Variants in LRP5 observed in about 807,000 individuals in gnomAD.
LRP5 encodes the protein low-density lipoprotein receptor-related protein 5.
A neutral mutation model predicts 154.1 loss-of-function variants in LRP5; 62 were observed. The observed-to-expected ratio is 0.40, with a 90% CI of 0.33 to 0.50. The LOEUF (loss-of-function observed/expected upper bound fraction) is 0.50. LRP5 is among the 20% of genes least tolerant of loss of function. The pLI is 0.55. For synonymous variants in LRP5, 966 were observed against 1,011.5 expected (o/e 0.96, Z 0.85); for missense variants, 1,915 against 2,336.7 (o/e 0.82, Z 3.72).
chr11:68,417,205 G>A (rs1416236347), intron 13 of LRP5, among the ~76,000 whole-genome samples: 2 of 152,138 alleles, frequency 1.3e-5, no homozygotes, highest in Non-Finnish European at 2.9e-5. Flanking sequence ...AAGGAGGATT[G>A]TGGGAAATCA....
chr11:68,315,904 A>G (rs2098593027), intron 1 of LRP5, among the ~76,000 whole-genome samples: 1 of 152,158 alleles, frequency 6.6e-6, no homozygotes, highest in Non-Finnish European at 1.5e-5. Flanking sequence ...CTAAAGCCAG[A>G]TCTTTCCTAG....
chr11:68,445,065 G>A (rs1357946445), intron 21 of LRP5, among the ~76,000 whole-genome samples: 1 of 152,098 alleles, frequency 6.6e-6, no homozygotes, highest in Non-Finnish European at 1.5e-5. Context: ...GCCTTCTCGA[G>A]CCCATTTTAT....
Position 68,436,951 on chromosome 11 carries a change from T to C in LRP5, c.4063T>C (p.Cys1355Arg). 1 of 1,613,910 alleles carries C rather than the reference T, an allele frequency of 6.2e-7. No individual in the cohort carries two copies. The highest frequency in any genetic ancestry group is 8.5e-7 in the Non-Finnish European group (1 of 1,179,960). The stretch of plus-strand genomic sequence containing the variant: ...CCAGTGTGTCCTCATCAAACAGCAG[T>C]GCGACTCCTTCCCCGACTGTATCGA... ...SGQCVLIKQQ[C>R]DSFPDCIDGS... Residue 1355 changes from cysteine (C) to arginine (R), a missense_variant, in exon 19 of 23, where the codon TGC (cysteine) becomes CGC (arginine). Transcript: ENST00000294304.
chr11:68,433,816 C>T lies in LRP5; in HGVS notation c.3978C>T (p.Arg1326=). ...ACGGCGAGGCAGACTGTCAGGACCG[C>T]TCAGACGAGGCGGACTGTGACGGTG... ...RCDGEADCQD[R]SDEADCDAIC... The change falls in exon 18 of 23, where the codon CGC becomes CGT. Residue 1326 remains arginine, a synonymous_variant. Transcript: ENST00000294304. The T allele has an allele frequency of 4.3e-6, 7 of 1,612,578 alleles. No homozygotes were observed. The highest frequency in any genetic ancestry group is 5.9e-6 in the Non-Finnish European group (7 of 1,179,744).
chr11:68,373,195 A>G (rs2098635321), intron 5 of LRP5, among the ~76,000 whole-genome samples: 2 of 152,142 alleles, frequency 1.3e-5, no homozygotes, highest in Non-Finnish European at 2.9e-5. Flanking sequence ...GTTACAGGCG[A>G]AGACATTTCT....
Position 68,433,605 on chromosome 11 carries a change from C to T in LRP5, c.3767C>T (p.Pro1256Leu), listed in dbSNP as rs772149876. The change falls in exon 18 of 23, where the codon CCG becomes CTG. Residue 1256 changes from proline (P) to leucine (L), a missense_variant. Pro to Leu is a moderately conservative substitution (Grantham distance 98). Coordinates refer to ENST00000294304, the MANE Select transcript of LRP5 (RefSeq NM_002335.4). ...TTCTCCTCTGTCCCTCCCCCAGAGC[C>T]GCCCACCTGCTCCCCGGACCAGTTT... ...LLQNLLTCGE[P>L]PTCSPDQFAC... 6.8e-6 allele frequency: 11 copies of T among 1,612,946 alleles called. No homozygotes were observed. Among genetic ancestry groups the T allele is most frequent in the East Asian group, 4.5e-5 (2 of 44,894 alleles).
chr11:68,425,236 G>A lies in LRP5; in HGVS notation c.3371G>A (p.Gly1124Asp). Reference protein sequence around the residue: ...PVALVVDNTLGKLFWVDADLK... With the variant: ...PVALVVDNTLDKLFWVDADLK... ...GCCCTGGTGGTGGACAACACACTGGGCAAGCTGTTCTGGGTGGACGCGGAC... is the reference window on the plus strand; with the variant it reads ...GCCCTGGTGGTGGACAACACACTGGACAAGCTGTTCTGGGTGGACGCGGAC... Residue 1124 changes from glycine (G) to aspartate (D), a missense_variant, in exon 15 of 23, where the codon GGC (glycine) becomes GAC (aspartate). By Grantham distance (94) the Gly-to-Asp change is moderately conservative (BLOSUM62 -1). Coordinates refer to ENST00000294304, the MANE Select transcript of LRP5 (RefSeq NM_002335.4). 1 of 1,612,458 alleles carries A rather than the reference G, an allele frequency of 6.2e-7. No individual in the cohort carries two copies. The highest frequency in any genetic ancestry group is 8.5e-7 in the Non-Finnish European group (1 of 1,180,002).
intron 5 of LRP5, among the ~76,000 whole-genome samples, chr11:68,379,948 ATGGTGAAACCCCGTC>A (rs1203504019): frequency 6.6e-6 from 1 of 152,224 alleles, no homozygotes; most frequent in Admixed American, 6.5e-5. Flanking sequence ...CCTGGCCAAC[ATGGTGAAACCCCGTC>A]TCTACTAAAA....
At chr11:68,374,644 C>T (rs1591245731) in intron 5 of LRP5, among the ~76,000 whole-genome samples, 1 of 152,202 alleles carries the variant, frequency 6.6e-6, no homozygotes, top group Non-Finnish European at 1.5e-5. Flanking sequence ...AACATTTCTA[C>T]CACTGGGAAA....
rs2098661060 is a variant in LRP5 at position 68,413,945 on chromosome 11, C to T, written c.2760C>T (p.Ile920=). 1.1e-5 allele frequency: 17 copies of T among 1,609,620 alleles called. No homozygotes were observed. Among genetic ancestry groups the T allele is most frequent in the Admixed American group, 1.7e-5 (1 of 59,992 alleles). ...AGTGTGGGCAGCTGTGCCTTGCCAT[C>T]CCCGGCGGCCACCGCTGCGGCTGCG... ...NGQCGQLCLA[I]PGGHRCGCAS... Residue 920 remains isoleucine (I), a synonymous_variant, in exon 12 of 23, where the codon ATC becomes ATT. Coordinates refer to ENST00000294304, the MANE Select transcript of LRP5 (RefSeq NM_002335.4). This position sits in a 1 kb window ranked among gnomAD's most constrained non-coding sequence, Gnocchi z 5.1.
chr11:68,334,532 A>G (rs606989), intron 1 of LRP5, among the ~76,000 whole-genome samples: 134,127 of 152,278 alleles, frequency 0.88, 59,558 homozygotes, highest in South Asian at 0.96. Context: ...GTACTGCCAC[A>G]CACACATGCA....
chr11:68,384,600 G>T (rs2098641980), intron 5 of LRP5, among the ~76,000 whole-genome samples: 1 of 152,214 alleles, frequency 6.6e-6, no homozygotes, highest in Non-Finnish European at 1.5e-5. Context: ...CACCCTGGGG[G>T]CCCCAAGTCT....
chr11:68,402,254 G>A (rs530566631), intron 7 of LRP5, among the ~76,000 whole-genome samples: 2 of 152,304 alleles, frequency 1.3e-5, no homozygotes, highest in African/African-American at 2.4e-5. Context: ...ATACAGTTCT[G>A]CAGGCTCATG....
chr11:68,354,640 A>G (rs1360942555), intron 2 of LRP5, among the ~76,000 whole-genome samples: 2 of 152,354 alleles, frequency 1.3e-5, no homozygotes, highest in East Asian at 3.9e-4. Context: ...GCTGCCAGGA[A>G]AAGTTCACCC....
Position 68,337,469 on chromosome 11 carries a change from T to A in LRP5, c.92-10378T>A, listed in dbSNP as rs1479695531. Reference sequence around the variant, plus strand: ...TTGAGTGCGTAATTGCCTCTGGGGATCAGGCCTGGGCATGCTCAACATTCA... The same window carrying A: ...TTGAGTGCGTAATTGCCTCTGGGGAACAGGCCTGGGCATGCTCAACATTCA... On this transcript the variant is annotated intron_variant, in intron 1 of 22. Transcript: ENST00000294304. 2.6e-5 allele frequency among the ~76,000 whole-genome samples: 4 copies of A among 152,196 alleles called. No individual in the cohort carries two copies. In the East Asian group the frequency reaches 7.7e-4, roughly 29 times the overall value.
intron 1 of LRP5, among the ~76,000 whole-genome samples, chr11:68,323,282 T>C (rs1292348628): frequency 1.3e-5 from 2 of 148,732 alleles, no homozygotes; most frequent in Non-Finnish European, 3.0e-5. Flanking sequence ...GTAATTTTTG[T>C]ATTTTTAGTG....
At chr11:68,341,980 T>TGCCCATGGCCA (rs2098609414) in intron 1 of LRP5, among the ~76,000 whole-genome samples, 1 of 151,794 alleles carries the variant, frequency 6.6e-6, no homozygotes, top group Non-Finnish European at 1.5e-5. Context: ...GAGGAGTGAG[T>TGCCCATGGCCA]GCCCATGGCC....
intron 1 of LRP5, among the ~76,000 whole-genome samples, chr11:68,336,073 A>G (rs1292395233): frequency 6.6e-6 from 1 of 152,218 alleles, no homozygotes; most frequent in Admixed American, 6.5e-5. Context: ...AATGACCCCA[A>G]GTAGCAGTGA....
intron 1 of LRP5, among the ~76,000 whole-genome samples, chr11:68,337,308 G>C (rs2153123341): frequency 6.6e-6 from 1 of 152,328 alleles, no homozygotes; most frequent in South Asian, 2.1e-4. Flanking sequence ...TCCTGTCCCT[G>C]GGGTTGGGGT....
Sources: allele counts gnomAD v4.1 joint callset (sites outside exome capture counted in the v4.1 genomes callset), GRCh38; gene constraint gnomAD v4.1.1; non-coding constraint Gnocchi (gnomAD v3.1); transcripts MANE v1.5; gene names NCBI Gene and HGNC (gene_info 2026-07-23, HGNC 2026-07-21).